Variants in ZBTB7C observed in about 807,000 individuals in gnomAD.
ZBTB7C encodes zinc finger and BTB domain containing 7C, also known as zinc finger and BTB domain-containing protein 7C.
Under a neutral mutation model 25.7 loss-of-function variants are expected in ZBTB7C, and 8 were observed. That is an observed-to-expected ratio of 0.31 (90% CI 0.18 to 0.56). The LOEUF (loss-of-function observed/expected upper bound fraction) is 0.56, where lower values mean the gene tolerates loss of function less well. Ranked by LOEUF, ZBTB7C falls within the 20% of genes least tolerant of loss-of-function variation. The pLI is 0.91. For synonymous variants in ZBTB7C, 394 were observed against 369.0 expected, an observed-to-expected ratio of 1.07 and a Z score of -0.78; for missense variants, 824 against 855.2, an observed-to-expected ratio of 0.96 and a Z score of 0.46.
intron 1 of ZBTB7C, among the ~76,000 whole-genome samples, chr18:48,389,236 C>CTCGTGTGTGTGTGTGT (rs2047833632): frequency 1.6e-5 from 1 of 62,368 alleles, no homozygotes; most frequent in African/African-American, 7.0e-5. Context: ...CTCTCTCTCT[C>CTCGTGTGTGTGTGTGT]GTGTGTGTGT....
chr18:48,164,363 A>T (rs114566457), intron 3 of ZBTB7C, among the ~76,000 whole-genome samples: 250 of 152,322 alleles, frequency 1.6e-3, no homozygotes, highest in African/African-American at 5.7e-3. Context: ...CAGACTTCTC[A>T]TTCCAGGGTA....
intron 2 of ZBTB7C, among the ~76,000 whole-genome samples, chr18:48,231,304 CAG>C (rs1260355694): frequency 3.9e-5 from 6 of 152,154 alleles, no homozygotes; most frequent in Non-Finnish European, 8.8e-5. Flanking sequence ...ATAGACCAAT[CAG>C]AGTGCACTTT....
chr18:48,119,014 AT>A (rs923209510), intron 3 of ZBTB7C, among the ~76,000 whole-genome samples: 7 of 152,256 alleles, frequency 4.6e-5, no homozygotes, highest in South Asian at 2.1e-4. Context: ...ACTAAAAAAA[AT>A]TTATCAATCT....
At chr18:48,298,680 G>C (rs987128708) in intron 2 of ZBTB7C, among the ~76,000 whole-genome samples, 8 of 152,186 alleles carry the variant, frequency 5.3e-5, no homozygotes, top group African/African-American at 1.9e-4. Flanking sequence ...CAGTGGCTCA[G>C]GGTGCCCAGC....
At chr18:48,290,963 C>A (rs1337783604) in intron 2 of ZBTB7C, among the ~76,000 whole-genome samples, 2 of 152,214 alleles carry the variant, frequency 1.3e-5, no homozygotes, top group African/African-American at 4.8e-5. Context: ...ATTCTCTAGG[C>A]TCTATAAAAT....
chr18:48,367,175 T>TTATATATATATCTA (rs1555751918), intron 1 of ZBTB7C, among the ~76,000 whole-genome samples: 1 of 62,278 alleles, frequency 1.6e-5, no homozygotes. Context: ...TCCCCAAGTT[T>TTATATATATATCTA]TATATATATA....
chr18:48,221,625 A>C (rs1447075917), intron 2 of ZBTB7C, among the ~76,000 whole-genome samples: 1 of 143,208 alleles, frequency 7.0e-6, no homozygotes, highest in Non-Finnish European at 1.5e-5. Flanking sequence ...TCTCCTCTAT[A>C]CTGTCCTAGT....
chr18:48,132,580 C>T (rs1219652676), intron 3 of ZBTB7C, among the ~76,000 whole-genome samples: 1 of 152,248 alleles, frequency 6.6e-6, no homozygotes, highest in East Asian at 1.9e-4. Context: ...TGAATTATAT[C>T]TCAATAAATT....
chr18:48,324,505 T>C (rs1293436825), intron 2 of ZBTB7C, among the ~76,000 whole-genome samples: 1 of 152,024 alleles, frequency 6.6e-6, no homozygotes, highest in Non-Finnish European at 1.5e-5. Flanking sequence ...TCTGAATGTG[T>C]GGATACCCCA....
rs113798141 is a variant in ZBTB7C, at chr18:48,051,104, C to T, written c.-16-9981G>A. ...TGTTGACCTCCAGCCCCAACATCAT[C>T]GCCACCTCTTCAACCCTTTCTCCAT... On this transcript the variant is annotated intron_variant, in intron 3 of 4. Coordinates refer to ENST00000590800, the MANE Select transcript of ZBTB7C (RefSeq NM_001318841.2). Among the ~76,000 whole-genome samples, 249 of 152,302 alleles carry T rather than the reference C, an allele frequency of 1.6e-3. 1 individual carries two copies. The highest frequency in any genetic ancestry group is 5.9e-3 in the African/African-American group (244 of 41,558).
chr18:48,207,650 C>A (rs1002099576), intron 2 of ZBTB7C, among the ~76,000 whole-genome samples: 1 of 117,132 alleles, frequency 8.5e-6, no homozygotes, highest in South Asian at 2.6e-4. Flanking sequence ...GACTGGATTT[C>A]CCTATGTTGC....
At chr18:48,102,924 T>A (rs1308136614) in intron 3 of ZBTB7C, among the ~76,000 whole-genome samples, 4 of 151,796 alleles carry the variant, frequency 2.6e-5, no homozygotes, top group Non-Finnish European at 5.9e-5. Flanking sequence ...CACAGCCCTG[T>A]TGTTTGGTTT....
At chr18:48,297,712 C>T (rs1015151340) in intron 2 of ZBTB7C, among the ~76,000 whole-genome samples, 4 of 152,196 alleles carry the variant, frequency 2.6e-5, no homozygotes, top group African/African-American at 7.2e-5. Flanking sequence ...AAGTGCCATA[C>T]ATCACGGTTA....
intron 3 of ZBTB7C, among the ~76,000 whole-genome samples, chr18:48,063,306 C>G (rs914445734): frequency 6.6e-6 from 1 of 152,186 alleles, no homozygotes; most frequent in African/African-American, 2.4e-5. Context: ...AGGGGCTTTT[C>G]CCCCCCAGCT....
At chr18:48,261,611 A>C (rs538660366) in intron 2 of ZBTB7C, among the ~76,000 whole-genome samples, 2 of 152,286 alleles carry the variant, frequency 1.3e-5, no homozygotes, top group South Asian at 4.1e-4. Context: ...TGCCCACCCA[A>C]CAGCTCTGCC....
intron 3 of ZBTB7C, among the ~76,000 whole-genome samples, chr18:48,139,837 A>G (rs1306426747): frequency 6.6e-6 from 1 of 152,170 alleles, no homozygotes; most frequent in Admixed American, 6.5e-5. Flanking sequence ...TGGATGCACC[A>G]GACTCCAGAT....
At chr18:48,065,393 T>C (rs1002927855) in intron 3 of ZBTB7C, among the ~76,000 whole-genome samples, 4 of 151,980 alleles carry the variant, frequency 2.6e-5, no homozygotes, top group Non-Finnish European at 5.9e-5. Flanking sequence ...TATAGAAACC[T>C]GTTTAACTTT....
At chr18:48,080,172 G>A (rs2037928330) in intron 3 of ZBTB7C, among the ~76,000 whole-genome samples, 1 of 152,150 alleles carries the variant, frequency 6.6e-6, no homozygotes, top group African/African-American at 2.4e-5. Flanking sequence ...GGGCTTCTGA[G>A]CCAGCCTGCT....
chr18:48,232,149 C>G (rs2043272457), intron 2 of ZBTB7C, among the ~76,000 whole-genome samples: 1 of 152,222 alleles, frequency 6.6e-6, no homozygotes, highest in Non-Finnish European at 1.5e-5. Flanking sequence ...GGCAAAGGCA[C>G]TACTGGCCAC....
Sources: allele counts gnomAD v4.1 joint callset (sites outside exome capture counted in the v4.1 genomes callset), GRCh38; gene constraint gnomAD v4.1.1; transcripts MANE v1.5; gene names NCBI Gene and HGNC (gene_info 2026-07-23, HGNC 2026-07-21).